RBFOX1: variants seen among roughly 807,000 people sequenced by gnomAD.
RBFOX1 encodes the protein RNA binding fox-1 homolog 1, also known as RNA binding protein fox-1 homolog 1.
A neutral mutation model predicts 57.7 loss-of-function variants in RBFOX1; 8 were observed. The ratio of observed to expected loss-of-function variants is 0.14; its 90% CI spans 0.08 to 0.25. RBFOX1 has a LOEUF of 0.25. Among genes scored for constraint, RBFOX1 ranks in the 10% least tolerant of loss-of-function variants. The probability of loss-of-function intolerance (pLI) is 1.00; values close to 1 mark genes in which losing one functional copy is unlikely to be tolerated. For missense variants in RBFOX1, 611 were observed against 548.5 expected (o/e 1.11, Z -1.14); for synonymous variants, 326 against 222.4 (o/e 1.47, Z -4.15).
intron 4 of RBFOX1, among the ~76,000 whole-genome samples, chr16:7,248,329 G>T (rs542378284): frequency 1.3e-5 from 2 of 152,254 alleles, no homozygotes; most frequent in African/African-American, 4.8e-5. Context: ...ATAAAGGACC[G>T]TGCTGTTGGC....
At chr16:6,603,632 T>G (rs1004056819) in intron 2 of RBFOX1, among the ~76,000 whole-genome samples, 29 of 152,196 alleles carry the variant, frequency 1.9e-4, no homozygotes, top group Non-Finnish European at 7.3e-5. Context: ...AGCCGCTATG[T>G]GCAGCTGGGG....
intron 3 of RBFOX1, among the ~76,000 whole-genome samples, chr16:5,746,429 T>C (rs1467273891): frequency 1.3e-5 from 2 of 152,234 alleles, no homozygotes; most frequent in African/African-American, 4.8e-5. Context: ...CGGGCTCTTT[T>C]TTGGTTCCAT....
chr16:7,303,591 T>TA (rs886660990), intron 4 of RBFOX1, among the ~76,000 whole-genome samples: 2 of 151,734 alleles, frequency 1.3e-5, no homozygotes, highest in African/African-American at 4.8e-5. Flanking sequence ...AAATAATTTT[T>TA]AAAAAAAGCG....
At chr16:5,791,177 T>G (rs1333425754) in intron 3 of RBFOX1, among the ~76,000 whole-genome samples, 1 of 152,130 alleles carries the variant, frequency 6.6e-6, no homozygotes, top group Non-Finnish European at 1.5e-5. Flanking sequence ...TTTTTTATTT[T>G]AATTTGTCAC....
chr16:7,415,869 C>G lies in RBFOX1; in HGVS notation c.28-102278C>G, dbSNP rs17143622. On this transcript the variant is annotated intron_variant, in intron 4 of 15. Transcript: ENST00000550418. The stretch of plus-strand genomic sequence containing the variant: ...TCCTCTCCCGGGAAGATGGAACTGT[C>G]CTTTTTGTGCATTTGCTGTGATAAC... 8.4e-3 allele frequency among the ~76,000 whole-genome samples: 1,272 copies of G among 152,230 alleles called. 14 individuals are homozygous for G. Among genetic ancestry groups the G allele is most frequent in the African/African-American group, 0.029 (1,193 of 41,526 alleles).
rs575648320 is a variant in RBFOX1 at position 7,580,108 on chromosome 16, A to G, written c.414+188A>G. On this transcript the variant is annotated intron_variant, in intron 6 of 15. Transcript: ENST00000550418. ...ATGGTTTTAGCATGTATTTCTGTAC[A>G]TATGCTCACCATGTATCTACTTTAC... Among the ~76,000 whole-genome samples, 6 of 152,280 alleles carry G rather than the reference A, an allele frequency of 3.9e-5. No homozygotes were observed. In the East Asian group the frequency reaches 1.2e-3, roughly 29 times the overall value.
At chr16:7,090,114 G>T (rs191243740) in intron 4 of RBFOX1, among the ~76,000 whole-genome samples, 4 of 152,096 alleles carry the variant, frequency 2.6e-5, no homozygotes, top group African/African-American at 9.7e-5. Context: ...TGATATCTCT[G>T]TTTAAGAGCT....
chr16:7,218,667 T>TGTGTGTGC lies in RBFOX1; in HGVS notation c.27+166576_27+166577insCGTGTGTG, dbSNP rs1555586814. ...GTGTGTGTGTGTGTGTGTGTGTGTGTGTGTGTGTGTGTGTCCTTTTGTTCC... is the reference window on the plus strand; with the variant it reads ...GTGTGTGTGTGTGTGTGTGTGTGTGTGTGTGTGCGTGTGTGTGTGTGTCCTTTTGTTCC... On this transcript the variant is annotated intron_variant, in intron 4 of 15. Transcript: ENST00000550418. Among the ~76,000 whole-genome samples the TGTGTGTGC allele has an allele frequency of 5.1e-3, 754 of 148,184 alleles. 15 individuals are homozygous for TGTGTGTGC. Among genetic ancestry groups the TGTGTGTGC allele is most frequent in the African/African-American group, 0.018 (713 of 39,622 alleles).
At chr16:6,679,263 A>C (rs1185537091) in intron 3 of RBFOX1, among the ~76,000 whole-genome samples, 1 of 152,128 alleles carries the variant, frequency 6.6e-6, no homozygotes, top group East Asian at 1.9e-4. Context: ...ACACGTAAAA[A>C]AGTGAGCTTA....
chr16:7,380,624 G>T (rs973282853), intron 4 of RBFOX1, among the ~76,000 whole-genome samples: 2 of 152,178 alleles, frequency 1.3e-5, no homozygotes, highest in African/African-American at 4.8e-5. Context: ...TTTCAATTCA[G>T]ACGCTGGCAG....
At chr16:7,417,804 T>G (rs115484750) in intron 4 of RBFOX1, among the ~76,000 whole-genome samples, 1 of 152,332 alleles carries the variant, frequency 6.6e-6, no homozygotes, top group African/African-American at 2.4e-5. Flanking sequence ...TGCATGTGTG[T>G]GGTTGCAGAA....
chr16:6,014,384 T>C (rs1046776496), upstream of RBFOX1, among the ~76,000 whole-genome samples: 2 of 152,162 alleles, frequency 1.3e-5, no homozygotes, highest in African/African-American at 4.8e-5. Context: ...CAAAGACACA[T>C]TGAAACAGAG....
chr16:6,281,155 G>C (rs113858696), intron 1 of RBFOX1, among the ~76,000 whole-genome samples: 1 of 152,006 alleles, frequency 6.6e-6, no homozygotes, highest in East Asian at 2.0e-4. Flanking sequence ...GATGGTGGGG[G>C]ATGTTAGTAA....
intron 2 of RBFOX1, among the ~76,000 whole-genome samples, chr16:6,515,391 C>G (rs1027825710): frequency 3.3e-5 from 5 of 152,182 alleles, no homozygotes; most frequent in African/African-American, 4.8e-5. Context: ...TTACGTAAAA[C>G]CAAACATATG....
At chr16:7,256,886 C>G (rs1222309684) in intron 4 of RBFOX1, among the ~76,000 whole-genome samples, 2 of 152,122 alleles carry the variant, frequency 1.3e-5, no homozygotes, top group African/African-American at 2.4e-5. Flanking sequence ...ATCTGAAAGT[C>G]CATCACACCC....
At chr16:7,275,688 C>G (rs968967509) in intron 4 of RBFOX1, among the ~76,000 whole-genome samples, 25 of 152,286 alleles carry the variant, frequency 1.6e-4, no homozygotes, top group African/African-American at 6.0e-4. Flanking sequence ...CACACTCTCT[C>G]CCAGGATTAT....
chr16:7,430,863 C>A (rs1282284931), intron 4 of RBFOX1, among the ~76,000 whole-genome samples: 1 of 152,180 alleles, frequency 6.6e-6, no homozygotes, highest in Non-Finnish European at 1.5e-5. Context: ...GCTTGGTTAT[C>A]ATGAATATTA....
At chr16:5,278,446 G>A (rs117516066) in intron 1 of RBFOX1, among the ~76,000 whole-genome samples, 4 of 152,046 alleles carry the variant, frequency 2.6e-5, no homozygotes, top group Non-Finnish European at 4.4e-5. Context: ...ACTATGTACC[G>A]GCTGGTATTG....
At chr16:5,908,770 G>A (rs181036967) in intron 4 of RBFOX1, among the ~76,000 whole-genome samples, 12 of 152,264 alleles carry the variant, frequency 7.9e-5, no homozygotes, top group African/African-American at 2.4e-4. Context: ...CCTAATTCAT[G>A]TGTTGAAACT....
Sources: allele counts gnomAD v4.1 joint callset (sites outside exome capture counted in the v4.1 genomes callset), GRCh38; gene constraint gnomAD v4.1.1; transcripts MANE v1.5; gene names NCBI Gene and HGNC (gene_info 2026-07-23, HGNC 2026-07-21).